DGKD: variants seen among roughly 807,000 people sequenced by gnomAD.
DGKD encodes the protein diacylglycerol kinase delta.
Under a neutral mutation model 154.4 loss-of-function variants are expected in DGKD, and 68 were observed. The ratio of observed to expected loss-of-function variants is 0.44; its 90% CI spans 0.36 to 0.54. DGKD has a LOEUF of 0.54. Ranked by LOEUF, DGKD falls within the 20% of genes least tolerant of loss-of-function variation. DGKD has a pLI of 0.00. For missense variants in DGKD, 1,343 were observed against 1,593.6 expected, an observed-to-expected ratio of 0.84 and a Z score of 2.68; for synonymous variants, 693 against 638.0, an observed-to-expected ratio of 1.09 and a Z score of -1.30.
chr2:233,369,339 C>T (rs933218174), intron 1 of DGKD, among the ~76,000 whole-genome samples: 3 of 152,082 alleles, frequency 2.0e-5, no homozygotes, highest in Non-Finnish European at 2.9e-5. Context: ...TTAATTTTTC[C>T]GTAGTGTGAT....
In DGKD at chr2:233,462,400, G is replaced by A. The variant is rs755394472; in HGVS notation, c.3034G>A (p.Ala1012Thr). Residue 1012 changes from alanine (A) to threonine (T), a missense_variant, in exon 25 of 30, where the codon GCC becomes ACC. By Grantham distance (58) the Ala-to-Thr change is moderately conservative. Transcript: ENST00000264057. Reference protein sequence around the residue: ...HRDMEQELAHAVNASSKSMDR... With the variant: ...HRDMEQELAHTVNASSKSMDR... ...GGACATGGAGCAGGAACTGGCCCAC[G>A]CCGTCAATGCCAGCTCCAAGTCCAT... is the stretch of plus-strand genomic sequence containing the variant. 6.2e-6 allele frequency: 10 copies of A among 1,604,270 alleles called. No individual in the cohort carries two copies. The highest frequency in any genetic ancestry group is 1.6e-4 in the Middle Eastern group (1 of 6,068).
At chr2:233,456,029 A>G (rs1430473864) in intron 19 of DGKD, among the ~76,000 whole-genome samples, 1 of 152,210 alleles carries the variant, frequency 6.6e-6, no homozygotes, top group Non-Finnish European at 1.5e-5. Flanking sequence ...TAAGTAGTTG[A>G]GGAACAGGGG....
rs148261349 is a variant in DGKD at position 233,425,274 on chromosome 2, C to T, written c.349-9106C>T. Among the ~76,000 whole-genome samples the T allele has an allele frequency of 2.6e-3, 401 of 152,272 alleles. 2 individuals are homozygous for T. Among genetic ancestry groups the T allele is most frequent in the African/African-American group, 9.0e-3 (373 of 41,544 alleles). ...TAATCTTGGCTCACTGCAAATTCCA[C>T]CTGCCGGGTTCACGCCATTCTCCTG... On this transcript the variant is annotated intron_variant, in intron 3 of 29. Transcript: ENST00000264057.
chr2:233,396,201 C>G (rs183681492), intron 3 of DGKD, among the ~76,000 whole-genome samples: 1 of 152,152 alleles, frequency 6.6e-6, no homozygotes, highest in African/African-American at 2.4e-5. Context: ...GTTGCCTTCT[C>G]TCTTGTGCAA....
At chr2:233,443,322 T>G (rs546777082) in intron 10 of DGKD, among the ~76,000 whole-genome samples, 2 of 152,386 alleles carry the variant, frequency 1.3e-5, no homozygotes, top group South Asian at 2.1e-4. Flanking sequence ...TATTTTTTTT[T>G]GCCTCATTTT....
rs1366487418 is a variant in DGKD at position 233,459,444 on chromosome 2, C to T, written c.2695-313C>T. Among the ~76,000 whole-genome samples, 1 of 151,306 alleles carries T rather than the reference C, an allele frequency of 6.6e-6. No individual in the cohort carries two copies. The highest frequency in any genetic ancestry group is 2.4e-5 in the African/African-American group (1 of 41,222). ...TTTTCACGTGGCAGGGGCCCAGTGGCTTCTGGGAGCTACAACACCCCTGCC... is the reference window on the plus strand; with the variant it reads ...TTTTCACGTGGCAGGGGCCCAGTGGTTTCTGGGAGCTACAACACCCCTGCC... On this transcript the variant is annotated intron_variant, in intron 22 of 29. Coordinates refer to ENST00000264057, the MANE Select transcript of DGKD (RefSeq NM_152879.3). This position sits in a 1 kb window ranked among gnomAD's most constrained non-coding sequence, Gnocchi z 5.7.
intron 3 of DGKD, among the ~76,000 whole-genome samples, chr2:233,396,845 C>T (rs942206850): frequency 2.6e-5 from 4 of 151,964 alleles, no homozygotes; most frequent in Admixed American, 6.6e-5. Flanking sequence ...GGGGACACCA[C>T]GTGGAGTGTG....
At chr2:233,437,576 G>A in intron 8 of DGKD, 97 bp downstream of exon 8, 1 of 1,229,340 alleles carries the variant, frequency 8.1e-7, no homozygotes, top group Non-Finnish European at 1.2e-6. Flanking sequence ...TTATCTTGGT[G>A]AGATGTCAGC....
chr2:233,448,466 G>C (rs1477630126), intron 14 of DGKD, 91 bp downstream of exon 14: 1 of 1,154,350 alleles, frequency 8.7e-7, no homozygotes, highest in Non-Finnish European at 1.3e-6. Flanking sequence ...AGGTTGTCCA[G>C]GTTCTTGGTG....
At chr2:233,425,061 A>G (rs13400471) in intron 3 of DGKD, among the ~76,000 whole-genome samples, 19,974 of 152,012 alleles carry the variant, frequency 0.13, 1,554 homozygotes, top group African/African-American at 0.23. Flanking sequence ...GTAGCAAGGT[A>G]TTTTCTCATT....
chr2:233,384,631 T>C (rs1240348512), intron 1 of DGKD, among the ~76,000 whole-genome samples: 1 of 152,106 alleles, frequency 6.6e-6, no homozygotes, highest in African/African-American at 2.4e-5. Flanking sequence ...TTCGCCTCGG[T>C]CGATTCTCAC....
intron 3 of DGKD, chr2:233,429,404 T>A (rs1426020919): frequency 1.2e-6 from 1 of 860,842 alleles, no homozygotes; most frequent in African/African-American, 1.8e-5. Context: ...TCAGACTTGA[T>A]AGGTAGACAG....
intron 7 of DGKD, 68 bp downstream of exon 7, chr2:233,436,509 G>A: frequency 6.4e-7 from 1 of 1,556,778 alleles, no homozygotes; most frequent in Non-Finnish European, 8.7e-7. Context: ...TGCGGGCCTT[G>A]CGGCTCCGCA....
At position 233,464,226 on chromosome 2, in the gene DGKD, C is replaced by T. The variant is rs1441563731; in HGVS notation, c.3249C>T (p.Leu1083=). The change falls in exon 27 of 30, where the codon CTC becomes CTT. Residue 1083 remains leucine, a synonymous_variant. Transcript: ENST00000264057. ...GSALAEMDRQ[L]RRLADTPWLC... ...CTCTTGCCGAGATGGACCGACAGCT[C>T]AGGAGGCTGGCAGACACCCCGTGGC... 2 of 1,613,574 alleles carry T rather than the reference C, an allele frequency of 1.2e-6. No individual in the cohort carries two copies. Among genetic ancestry groups the T allele is most frequent in the Non-Finnish European group, 8.5e-7 (1 of 1,180,054 alleles).
chr2:233,436,542 T>C (rs1164317401), intron 7 of DGKD, 101 bp downstream of exon 7: 2 of 1,470,980 alleles, frequency 1.4e-6, no homozygotes, highest in Non-Finnish European at 1.8e-6. Flanking sequence ...TCCTGGTAAA[T>C]TAATCCCAGA....
intron 3 of DGKD, among the ~76,000 whole-genome samples, chr2:233,394,148 C>T (rs1020007274): frequency 2.0e-5 from 3 of 152,182 alleles, no homozygotes; most frequent in African/African-American, 7.2e-5. Context: ...TCACCTTCTC[C>T]ATTTTGAAGC....
chr2:233,441,613 C>G lies in DGKD; in HGVS notation c.1086-274C>G, dbSNP rs11897617. Among the ~76,000 whole-genome samples, 19,363 of 152,220 alleles carry G rather than the reference C, an allele frequency of 0.13. 1,616 individuals are homozygous for G. Among genetic ancestry groups the G allele is most frequent in the African/African-American group, 0.25 (10,237 of 41,516 alleles). On this transcript the variant is annotated intron_variant, in intron 9 of 29. Coordinates refer to ENST00000264057, the MANE Select transcript of DGKD (RefSeq NM_152879.3). This position sits in a 1 kb window ranked among gnomAD's most constrained non-coding sequence, Gnocchi z 5.6. ...CACTTTGCCTGTGATGTCTGCAGAG[C>G]GTGCAGTGGCTCACCAAGCTGAGTG...
At chr2:233,451,102 TC>T in intron 17 of DGKD, 52 bp downstream of exon 17, 2 of 1,528,568 alleles carry the variant, frequency 1.3e-6, no homozygotes. Context: ...ACAACACTGG[TC>T]CCGTCAAACT....
At chr2:233,362,947 CCTA>C (rs1701851347) in intron 1 of DGKD, among the ~76,000 whole-genome samples, 1 of 152,146 alleles carries the variant, frequency 6.6e-6, no homozygotes, top group Non-Finnish European at 1.5e-5. Context: ...TGTAAACAGA[CCTA>C]CTGCACTGCA....
Sources: gnomAD v4.1 joint callset for allele counts (sites outside exome capture counted in the v4.1 genomes callset) on GRCh38, gnomAD v4.1.1 for gene constraint, Gnocchi (gnomAD v3.1) non-coding constraint, MANE v1.5 for transcripts, NCBI Gene and HGNC (gene_info 2026-07-23, HGNC 2026-07-21) for gene names.